PDE1C: variants seen among roughly 807,000 people sequenced by gnomAD.
PDE1C encodes dual specificity calcium/calmodulin-dependent 3',5'-cyclic nucleotide phosphodiesterase 1C.
Under a neutral mutation model 93.1 loss-of-function variants are expected in PDE1C, and 62 were observed. That is an observed-to-expected ratio of 0.67 (90% CI 0.54 to 0.82). PDE1C has a LOEUF of 0.82. Ranked by LOEUF, PDE1C falls within the 40% of genes least tolerant of loss-of-function variation. The probability of loss-of-function intolerance (pLI) is 0.00; values close to 1 mark genes in which losing one functional copy is unlikely to be tolerated. For missense variants in PDE1C, 742 were observed against 884.6 expected (o/e 0.84, Z 2.04); for synonymous variants, 325 against 310.1 (o/e 1.05, Z -0.50).
chr7:32,050,782 C>T (rs191495052), intron 2 of PDE1C, among the ~76,000 whole-genome samples: 49 of 152,296 alleles, frequency 3.2e-4, no homozygotes, highest in African/African-American at 1.0e-3. Flanking sequence ...TCCACCAAGT[C>T]AGCAAACTAC....
chr7:32,213,498 G>T (rs1806206250), intron 1 of PDE1C, among the ~76,000 whole-genome samples: 1 of 152,202 alleles, frequency 6.6e-6, no homozygotes, highest in Non-Finnish European at 1.5e-5. Context: ...TACAAAAAGT[G>T]CTGTCGCCCG....
chr7:32,282,881 A>G (rs1157683294), intron 1 of PDE1C, among the ~76,000 whole-genome samples: 7 of 152,146 alleles, frequency 4.6e-5, no homozygotes, highest in Admixed American at 4.6e-4. Flanking sequence ...TGCCCGGCCT[A>G]TATGCCATTT....
At chr7:31,734,650 C>G in the PDE1C span, among the ~76,000 whole-genome samples, 1 of 151,904 alleles carries the variant, frequency 6.6e-6, no homozygotes, top group African/African-American at 2.4e-5. Flanking sequence ...TGCCCAAGAG[C>G]AATTATCGAA....
chr7:32,166,371 C>G (rs1047802011), intron 3 of PDE1C, among the ~76,000 whole-genome samples: 1 of 152,190 alleles, frequency 6.6e-6, no homozygotes, highest in Non-Finnish European at 1.5e-5. Flanking sequence ...CTTGGTACAA[C>G]TGAGCACTAA....
intron 1 of PDE1C, among the ~76,000 whole-genome samples, chr7:32,387,485 C>T (rs1585137248): frequency 6.7e-6 from 1 of 150,154 alleles, no homozygotes; most frequent in African/African-American, 2.5e-5. Context: ...CTGGATAGGG[C>T]GGCTGGCCGG....
chr7:31,951,300 T>C (rs1185064900), intron 2 of PDE1C, among the ~76,000 whole-genome samples: 1 of 152,202 alleles, frequency 6.6e-6, no homozygotes, highest in Non-Finnish European at 1.5e-5. Context: ...TTATCTATTA[T>C]TCCTTTAAAA....
chr7:31,810,036 G>C (rs1787360374), intron 15 of PDE1C, among the ~76,000 whole-genome samples: 1 of 152,092 alleles, frequency 6.6e-6, no homozygotes, highest in South Asian at 2.1e-4. Flanking sequence ...TGCTGCAACA[G>C]CTGAGCTGAA....
intron 2 of PDE1C, among the ~76,000 whole-genome samples, chr7:31,964,524 T>C (rs943161235): frequency 3.9e-5 from 6 of 152,202 alleles, no homozygotes; most frequent in East Asian, 1.9e-4. Flanking sequence ...GGCTCCACCT[T>C]TGAGGGCAGG....
rs1584254442 is a variant in PDE1C, at chr7:31,969,031, G to T, written c.128+82523C>A. Among the ~76,000 whole-genome samples, 3 of 152,212 alleles carry T rather than the reference G, an allele frequency of 2.0e-5. No individual in the cohort carries two copies. In the South Asian group the frequency reaches 6.2e-4, roughly 32 times the overall value. On this transcript the variant is annotated intron_variant, in intron 2 of 17. Transcript: ENST00000396191. ...TAGACCTAAAACCATAAAAACCTTA[G>T]AAGAAAACCTAGGCAATACCATTCA... is the stretch of plus-strand genomic sequence containing the variant.
Position 31,964,475 on chromosome 7 carries a change from G to A in PDE1C, c.129-83615C>T, listed in dbSNP as rs1584225858. On this transcript the variant is annotated intron_variant, in intron 2 of 17. Coordinates refer to ENST00000396191, the MANE Select transcript of PDE1C (RefSeq NM_001191057.4). ...GCAGCTGGGAAGCTCAAACTGGGTG[G>A]AGACCACCACAGCTCAAGGAGGCCT... Among the ~76,000 whole-genome samples, 3 of 152,232 alleles carry A rather than the reference G, an allele frequency of 2.0e-5. No individual in the cohort carries two copies. The South Asian group carries it at 6.2e-4, about 31-fold the overall frequency.
intron 2 of PDE1C, among the ~76,000 whole-genome samples, chr7:31,932,071 A>G (rs1165363696): frequency 2.6e-5 from 4 of 152,336 alleles, no homozygotes; most frequent in Admixed American, 6.5e-5. Flanking sequence ...TTAACTCAAG[A>G]TGGATTAAAG....
At chr7:32,023,143 T>C (rs556134054) in intron 2 of PDE1C, among the ~76,000 whole-genome samples, 8 of 152,050 alleles carry the variant, frequency 5.3e-5, no homozygotes, top group Non-Finnish European at 1.0e-4. Context: ...AACTAAGAAA[T>C]AGGACATACT....
chr7:32,230,238 A>T (rs1446099498), intron 1 of PDE1C, among the ~76,000 whole-genome samples: 1 of 152,158 alleles, frequency 6.6e-6, no homozygotes, highest in Non-Finnish European at 1.5e-5. Flanking sequence ...GATGGCCCCC[A>T]AGTGGCAACT....
chr7:31,888,645 T>C (rs1160048808), intron 2 of PDE1C, among the ~76,000 whole-genome samples: 3 of 152,106 alleles, frequency 2.0e-5, no homozygotes, highest in Non-Finnish European at 4.4e-5. Flanking sequence ...AAAATATTAA[T>C]TTATCAAAAT....
At chr7:31,801,062 C>T (rs963503083) in intron 16 of PDE1C, among the ~76,000 whole-genome samples, 2 of 150,382 alleles carry the variant, frequency 1.3e-5, no homozygotes, top group African/African-American at 2.4e-5. Flanking sequence ...AATCTCAAAT[C>T]GGTAACCATG....
At chr7:32,001,517 C>G (rs1785447273) in intron 2 of PDE1C, among the ~76,000 whole-genome samples, 1 of 148,508 alleles carries the variant, frequency 6.7e-6, no homozygotes, top group Non-Finnish European at 1.5e-5. Flanking sequence ...CCCATCAGGG[C>G]TGGCCCTGGA....
At chr7:32,059,967 T>C (rs920118071) in intron 1 of PDE1C, among the ~76,000 whole-genome samples, 2 of 152,192 alleles carry the variant, frequency 1.3e-5, no homozygotes, top group African/African-American at 4.8e-5. Flanking sequence ...TACGACCTTC[T>C]TCCTGGGAGC....
intron 2 of PDE1C, among the ~76,000 whole-genome samples, chr7:31,978,564 A>G (rs1340980566): frequency 1.3e-5 from 2 of 152,208 alleles, no homozygotes; most frequent in African/African-American, 4.8e-5. Flanking sequence ...AAGCCTAAAC[A>G]TGGAGCTGAA....
intron 1 of PDE1C, among the ~76,000 whole-genome samples, chr7:32,262,005 ATT>A (rs11325736): frequency 0.021 from 1,842 of 89,710 alleles, 31 homozygotes; most frequent in African/African-American, 0.044. Flanking sequence ...TTGCTTTGGG[ATT>A]TTTTTTTTTT....
Sources: allele counts gnomAD v4.1 joint callset (sites outside exome capture counted in the v4.1 genomes callset), GRCh38; gene constraint gnomAD v4.1.1; transcripts MANE v1.5; gene names NCBI Gene and HGNC (gene_info 2026-07-23, HGNC 2026-07-21).